Variants in ADAMTSL1 observed in about 807,000 individuals in gnomAD.
The protein encoded by ADAMTSL1 is ADAMTS like 1.
A neutral mutation model predicts 201.8 loss-of-function variants in ADAMTSL1; 126 were observed. That is an observed-to-expected ratio of 0.62 (90% CI 0.54 to 0.72). The LOEUF is 0.72. ADAMTSL1 is among the 30% of genes least tolerant of loss of function. The probability of loss-of-function intolerance (pLI) is 0.00; values close to 1 mark genes in which losing one functional copy is unlikely to be tolerated. For missense variants in ADAMTSL1, 2,679 were observed against 2,277.8 expected (o/e 1.18, Z -3.59); for synonymous variants, 1,121 against 903.4 (o/e 1.24, Z -4.32).
intron 2 of ADAMTSL1, among the ~76,000 whole-genome samples, chr9:18,205,462 T>C (rs931232993): frequency 3.3e-5 from 5 of 152,110 alleles, no homozygotes; most frequent in Non-Finnish European, 5.9e-5. Flanking sequence ...TCTCCCTTTG[T>C]TTTGAGTAAA....
intron 2 of ADAMTSL1, among the ~76,000 whole-genome samples, chr9:18,441,228 G>C (rs1371988393): frequency 6.6e-6 from 1 of 152,072 alleles, no homozygotes; most frequent in Admixed American, 6.5e-5. Flanking sequence ...AGTAATGATG[G>C]TTGTACAATC....
chr9:18,168,883 T>C (rs901542858), intron 2 of ADAMTSL1, among the ~76,000 whole-genome samples: 6 of 151,512 alleles, frequency 4.0e-5, no homozygotes, highest in Admixed American at 2.0e-4. Flanking sequence ...CCAGTGATGA[T>C]GAGCATTTTT....
chr9:18,875,454 C>T (rs914773797), intron 23 of ADAMTSL1, among the ~76,000 whole-genome samples: 21 of 152,022 alleles, frequency 1.4e-4, no homozygotes, highest in African/African-American at 4.8e-4. Context: ...GACTGTGTCA[C>T]TATTATTATT....
At chr9:18,267,026 A>G (rs1429041100) in intron 2 of ADAMTSL1, among the ~76,000 whole-genome samples, 1 of 152,150 alleles carries the variant, frequency 6.6e-6, no homozygotes, top group Non-Finnish European at 1.5e-5. Context: ...CATGAGCAAG[A>G]TGTTCCACAA....
chr9:18,163,712 T>A (rs1827506868), intron 1 of ADAMTSL1: 1 of 152,044 alleles, frequency 6.6e-6, no homozygotes, highest in African/African-American at 2.4e-5. Context: ...GTTCTAGTGG[T>A]TCTCGCATTA....
In ADAMTSL1 at chr9:18,565,236, T is replaced by G. The variant is rs537912963; in HGVS notation, c.238-8794T>G. On this transcript the variant is annotated intron_variant, in intron 3 of 28. Transcript: ENST00000380548. The stretch of plus-strand genomic sequence containing the variant: ...GCTTTCAATATACCTGTAACTAGTG[T>G]TCTCTTAGTAAACACATAGTAGGGC... Among the ~76,000 whole-genome samples, 5 of 152,336 alleles carry G rather than the reference T, an allele frequency of 3.3e-5. No individual in the cohort carries two copies. In the South Asian group the frequency reaches 1.0e-3, roughly 32 times the overall value.
chr9:18,599,401 G>A (rs562238376), intron 4 of ADAMTSL1, among the ~76,000 whole-genome samples: 1 of 152,156 alleles, frequency 6.6e-6, no homozygotes, highest in Admixed American at 6.5e-5. Context: ...TGAAGGGGTG[G>A]GTGCTTAGGA....
At chr9:18,687,892 A>C (rs758990343) in intron 13 of ADAMTSL1, among the ~76,000 whole-genome samples, 2 of 152,208 alleles carry the variant, frequency 1.3e-5, no homozygotes, top group Non-Finnish European at 2.9e-5. Flanking sequence ...TGCACAAGAT[A>C]TAAATCCAGA....
chr9:18,169,534 T>C (rs1029886673), intron 2 of ADAMTSL1, among the ~76,000 whole-genome samples: 3 of 152,142 alleles, frequency 2.0e-5, no homozygotes, highest in African/African-American at 7.2e-5. Flanking sequence ...TGTAGCCTTG[T>C]AGTATAGTTT....
chr9:17,966,242 G>A (rs1015714572), intron 1 of ADAMTSL1, among the ~76,000 whole-genome samples: 1 of 152,132 alleles, frequency 6.6e-6, no homozygotes, highest in Non-Finnish European at 1.5e-5. Context: ...GAAGAAATAA[G>A]TAAGTATAGT....
chr9:18,702,143 G>C (rs897801755), intron 13 of ADAMTSL1, among the ~76,000 whole-genome samples: 2 of 152,142 alleles, frequency 1.3e-5, no homozygotes, highest in East Asian at 3.9e-4. Context: ...CATGAGAACA[G>C]CACAGGAAAG....
intron 2 of ADAMTSL1, among the ~76,000 whole-genome samples, chr9:18,164,686 C>T (rs770188796): frequency 1.3e-5 from 2 of 151,810 alleles, no homozygotes; most frequent in African/African-American, 2.4e-5. Context: ...GCCGTATATA[C>T]AAGCTAGTGG....
At chr9:18,404,786 T>A (rs909587187) in intron 2 of ADAMTSL1, among the ~76,000 whole-genome samples, 2 of 152,208 alleles carry the variant, frequency 1.3e-5, no homozygotes, top group African/African-American at 4.8e-5. Context: ...AGGCTCCCAT[T>A]ACAGAAGCTG....
At chr9:18,684,019 T>G (rs1319317119) in intron 12 of ADAMTSL1, among the ~76,000 whole-genome samples, 1 of 152,234 alleles carries the variant, frequency 6.6e-6, no homozygotes, top group Non-Finnish European at 1.5e-5. Flanking sequence ...CAGTTACTTC[T>G]GTAAGAGCCG....
intron 2 of ADAMTSL1, among the ~76,000 whole-genome samples, chr9:18,424,991 C>G (rs149371690): frequency 6.6e-6 from 1 of 152,288 alleles, no homozygotes; most frequent in Non-Finnish European, 1.5e-5. Context: ...TATTAGTTGG[C>G]AACTGGCTGA....
At chr9:18,148,324 C>T (rs1414589113) in intron 1 of ADAMTSL1, among the ~76,000 whole-genome samples, 1 of 143,676 alleles carries the variant, frequency 7.0e-6, no homozygotes, top group Non-Finnish European at 1.5e-5. Context: ...CAGTCACCTA[C>T]ACTTCAGTGA....
intron 1 of ADAMTSL1, among the ~76,000 whole-genome samples, chr9:17,924,778 C>T (rs1826455980): frequency 1.7e-5 from 2 of 120,436 alleles, no homozygotes. Flanking sequence ...CATTACCATT[C>T]AGGACATAGG....
chr9:18,653,495 G>A (rs1297270295), intron 7 of ADAMTSL1, among the ~76,000 whole-genome samples: 1 of 152,116 alleles, frequency 6.6e-6, no homozygotes, highest in African/African-American at 2.4e-5. Flanking sequence ...AGCTAGGTAG[G>A]TTGGGCACAG....
At chr9:18,731,632 A>G (rs1229327956) in intron 15 of ADAMTSL1, among the ~76,000 whole-genome samples, 2 of 152,162 alleles carry the variant, frequency 1.3e-5, no homozygotes, top group Non-Finnish European at 2.9e-5. Context: ...GGAAGAAAAA[A>G]GAAAAGAGGT....
Sources: gnomAD v4.1 joint callset for allele counts (sites outside exome capture counted in the v4.1 genomes callset) on GRCh38, gnomAD v4.1.1 for gene constraint, MANE v1.5 for transcripts, NCBI Gene and HGNC (gene_info 2026-07-23, HGNC 2026-07-21) for gene names.